The following GLB1 variants were observed in gnomAD, a reference collection of about 807,000 sequenced individuals.
GLB1 encodes the protein galactosidase beta 1, also known as beta-galactosidase.
GLB1 carries 56 observed loss-of-function variants against 74.0 expected under a neutral mutation model. That is an observed-to-expected ratio of 0.76 (90% confidence interval 0.61 to 0.94). The LOEUF is 0.94. Ranked by LOEUF, GLB1 falls within the 40% of genes least tolerant of loss-of-function variation. The pLI is 0.00. For synonymous variants in GLB1, 323 were observed against 323.6 expected, an observed-to-expected ratio of 1.00 and a Z score of 0.02; for missense variants, 787 against 845.5, an observed-to-expected ratio of 0.93 and a Z score of 0.86.
At chr3:33,014,460 C>T in intron 14 of GLB1, 150 bp from the exon 15 acceptor site, 2 of 1,208,014 alleles carry the variant, frequency 1.7e-6, no homozygotes, top group East Asian at 2.5e-5. Context: ...CGAAGTAACA[C>T]AGATCTAACT....
chr3:33,022,564 A>ATTTTTTTTTTTTTTTTTTTTTTTTTTTT (rs61013692), intron 11 of GLB1, among the ~76,000 whole-genome samples: 1 of 63,764 alleles, frequency 1.6e-5, no homozygotes, highest in Admixed American at 2.9e-4. Context: ...ACTGGTTAGG[A>ATTTTTTTTTTTTTTTTTTTTTTTTTTTT]TTTTTTTTTT....
chr3:32,976,305 C>T, the GLB1 span, among the ~76,000 whole-genome samples: 4 of 152,184 alleles, frequency 2.6e-5, no homozygotes, highest in Non-Finnish European at 4.4e-5. Context: ...CTGGAGCTAT[C>T]GAGGGCCTTT....
intron 10 of GLB1, chr3:33,045,195 C>T (rs1172131350): frequency 5.3e-6 from 2 of 375,610 alleles, no homozygotes; most frequent in Non-Finnish European, 7.3e-6. Context: ...TGCTGTAATC[C>T]CAGTTTTACA....
At chr3:33,076,536 G>A (rs190334476) in intron 1 of GLB1, among the ~76,000 whole-genome samples, 10 of 152,330 alleles carry the variant, frequency 6.6e-5, no homozygotes, top group Admixed American at 5.2e-4. Context: ...TGACAATGAG[G>A]TGGGCAGGAG....
At chr3:33,012,814 T>C (rs1305211255) in intron 15 of GLB1, among the ~76,000 whole-genome samples, 1 of 152,166 alleles carries the variant, frequency 6.6e-6, no homozygotes, top group Non-Finnish European at 1.5e-5. Flanking sequence ...GTCCAATCCA[T>C]TGTCACAATT....
chr3:33,061,524 T>A (rs1285470246), intron 5 of GLB1: 2 of 152,154 alleles, frequency 1.3e-5, no homozygotes, highest in Non-Finnish European at 2.9e-5. Context: ...CGGCCACAGA[T>A]GATATATAAA....
intron 15 of GLB1, among the ~76,000 whole-genome samples, chr3:33,013,035 C>G (rs1298882062): frequency 1.3e-5 from 2 of 152,216 alleles, no homozygotes; most frequent in Admixed American, 6.5e-5. Flanking sequence ...TTCAATGGCT[C>G]TCAACACAAA....
At chr3:32,989,690 A>G in the GLB1 span, among the ~76,000 whole-genome samples, 3 of 152,240 alleles carry the variant, frequency 2.0e-5, no homozygotes, top group Non-Finnish European at 4.4e-5. Context: ...GAGTTTTCTC[A>G]AATACAATAC....
chr3:33,061,860 C>T (rs1699457161), intron 5 of GLB1: 1 of 152,208 alleles, frequency 6.6e-6, no homozygotes, highest in Admixed American at 6.5e-5. Context: ...GTGGCACTGG[C>T]TCAGCTAATC....
chr3:33,081,601 C>G (rs979276883), intron 1 of GLB1, among the ~76,000 whole-genome samples: 2 of 152,142 alleles, frequency 1.3e-5, no homozygotes, highest in African/African-American at 2.4e-5. Flanking sequence ...ACTTGGGAAG[C>G]CCCCCCAGTG....
chr3:32,998,946 T>C (rs1234572029), intron 15 of GLB1, among the ~76,000 whole-genome samples: 1 of 152,216 alleles, frequency 6.6e-6, no homozygotes, highest in African/African-American at 2.4e-5. Context: ...ATCTGTGTCC[T>C]GCCACTTACT....
chr3:33,075,230 A>G (rs1700063549), intron 1 of GLB1, among the ~76,000 whole-genome samples: 1 of 152,216 alleles, frequency 6.6e-6, no homozygotes, highest in Non-Finnish European at 1.5e-5. Context: ...AAGGTGGCCC[A>G]TGAGGTGGGA....
chr3:33,039,692 G>A (rs1698425684), intron 10 of GLB1, among the ~76,000 whole-genome samples: 1 of 152,146 alleles, frequency 6.6e-6, no homozygotes, highest in Admixed American at 6.5e-5. Flanking sequence ...GGAGAACGAA[G>A]TAAACATAAC....
chr3:33,011,298 C>T (rs999442779), intron 15 of GLB1, among the ~76,000 whole-genome samples: 24 of 151,830 alleles, frequency 1.6e-4, no homozygotes, highest in Non-Finnish European at 4.4e-5. Flanking sequence ...AACTTACATG[C>T]AAGTGTTTAC....
intron 10 of GLB1, among the ~76,000 whole-genome samples, chr3:33,041,661 C>CAA (rs58227885): frequency 1.4e-4 from 14 of 99,352 alleles, no homozygotes; most frequent in African/African-American, 4.1e-4. Context: ...ACCCTGTCTT[C>CAA]AAAAAAAAAA....
intron 10 of GLB1, among the ~76,000 whole-genome samples, chr3:33,032,422 C>T (rs1698091141): frequency 6.6e-6 from 1 of 152,132 alleles, no homozygotes; most frequent in Non-Finnish European, 1.5e-5. Context: ...CCAGGGCCTC[C>T]TCTGCAATCC....
At chr3:33,062,096 A>C (rs182788575) in intron 5 of GLB1, among the ~76,000 whole-genome samples, 2 of 152,218 alleles carry the variant, frequency 1.3e-5, no homozygotes, top group African/African-American at 4.8e-5. Context: ...AGCATCAAGA[A>C]TTGAGGAAAG....
At chr3:33,078,424 A>T (rs4234234) in intron 1 of GLB1, among the ~76,000 whole-genome samples, 152,348 of 152,354 alleles carry the variant, frequency 1, 76,171 homozygotes, top group Middle Eastern at 1. Context: ...TCAGCCTCAA[A>T]AAAAGTCGAA....
In GLB1 at chr3:33,093,640, G is replaced by A; in HGVS notation, c.75+3371C>T. 1 of 1,614,190 alleles carries A rather than the reference G, an allele frequency of 6.2e-7. No individual in the cohort carries two copies. The highest frequency in any genetic ancestry group is 8.5e-7 in the Non-Finnish European group (1 of 1,180,040). The stretch of plus-strand genomic sequence containing the variant: ...TCCACAGTTTTCACAGCCGGGGGCT[G>A]CGCGGCATTCAGAATCCCGGCCACG... On this transcript the variant is annotated intron_variant, in intron 1 of 15. Transcript: ENST00000307363. The surrounding 1 kb of genome is among the most constrained non-coding windows in gnomAD (Gnocchi z 6.0).
Sources: gnomAD v4.1 joint callset for allele counts (sites outside exome capture counted in the v4.1 genomes callset) on GRCh38, gnomAD v4.1.1 for gene constraint, Gnocchi (gnomAD v3.1) non-coding constraint, MANE v1.5 for transcripts, NCBI Gene and HGNC (gene_info 2026-07-23, HGNC 2026-07-21) for gene names.